Variants in PTPRN2 observed in about 807,000 individuals in gnomAD.
The protein encoded by PTPRN2 is receptor-type tyrosine-protein phosphatase N2.
PTPRN2 carries 74 observed loss-of-function variants against 118.8 expected under a neutral mutation model. The observed-to-expected ratio is 0.62, with a 90% CI of 0.52 to 0.76. The LOEUF (loss-of-function observed/expected upper bound fraction) is 0.76. PTPRN2 is among the 30% of genes least tolerant of loss of function. PTPRN2 has a pLI of 0.00. For synonymous variants in PTPRN2, 641 were observed against 608.0 expected, an observed-to-expected ratio of 1.05 and a Z score of -0.80; for missense variants, 1,481 against 1,394.4, an observed-to-expected ratio of 1.06 and a Z score of -0.99.
chr7:158,314,125 G>A (rs1468208823), intron 3 of PTPRN2, among the ~76,000 whole-genome samples: 1 of 152,164 alleles, frequency 6.6e-6, no homozygotes, highest in Non-Finnish European at 1.5e-5. Flanking sequence ...ATGATGTTCA[G>A]TGCCAGTTGC....
Position 157,999,170 on chromosome 7 carries a change from C to T in PTPRN2, c.1723+82128G>A, listed in dbSNP as rs574637236. Among the ~76,000 whole-genome samples, 460 of 152,192 alleles carry T rather than the reference C, an allele frequency of 3.0e-3. 6 individuals are homozygous for T. The highest frequency in any genetic ancestry group is 1.7e-3 in the Non-Finnish European group (118 of 68,008). On this transcript the variant is annotated intron_variant, in intron 11 of 22. Coordinates refer to ENST00000389418, the MANE Select transcript of PTPRN2 (RefSeq NM_002847.5). ...CAGCCCCTCACACCCCTGCACTGACCGGCTTTTATTTCCAGCCTAAAAGAA... is the reference window on the plus strand; with the variant it reads ...CAGCCCCTCACACCCCTGCACTGACTGGCTTTTATTTCCAGCCTAAAAGAA...
intron 11 of PTPRN2, among the ~76,000 whole-genome samples, chr7:158,011,402 A>G (rs1460539242): frequency 6.6e-6 from 1 of 152,242 alleles, no homozygotes; most frequent in Non-Finnish European, 1.5e-5. Context: ...TCAAAGATGC[A>G]CAAAAGATGC....
At chr7:157,588,852 T>G (rs1281514318) in intron 17 of PTPRN2, among the ~76,000 whole-genome samples, 1 of 151,938 alleles carries the variant, frequency 6.6e-6, no homozygotes, top group African/African-American at 2.4e-5. Flanking sequence ...GGGCTTTGCC[T>G]CCCACCAGCT....
At chr7:157,563,589 A>G (rs1391416120) in intron 21 of PTPRN2, among the ~76,000 whole-genome samples, 1 of 134,384 alleles carries the variant, frequency 7.4e-6, no homozygotes, top group Non-Finnish European at 1.6e-5. Flanking sequence ...GTGCTCCCGC[A>G]TCACCACACC....
intron 6 of PTPRN2, among the ~76,000 whole-genome samples, chr7:158,150,262 T>G (rs1488703641): frequency 6.6e-6 from 1 of 152,256 alleles, no homozygotes; most frequent in Non-Finnish European, 1.5e-5. Flanking sequence ...GAGAGATTTT[T>G]AAACAAGTTG....
intron 11 of PTPRN2, among the ~76,000 whole-genome samples, chr7:157,945,199 C>T (rs1740132274): frequency 6.6e-6 from 1 of 152,128 alleles, no homozygotes; most frequent in South Asian, 2.1e-4. Flanking sequence ...TCCTCCCTCC[C>T]CAGGCACCTC....
At chr7:158,145,509 G>C (rs1260726848) in intron 6 of PTPRN2, among the ~76,000 whole-genome samples, 1 of 152,234 alleles carries the variant, frequency 6.6e-6, no homozygotes, top group Non-Finnish European at 1.5e-5. Context: ...ATCCACCCTT[G>C]AGAAACTGAG....
chr7:158,197,840 A>G (rs1826331003), intron 4 of PTPRN2, among the ~76,000 whole-genome samples: 1 of 152,192 alleles, frequency 6.6e-6, no homozygotes, highest in Non-Finnish European at 1.5e-5. Context: ...CCATGATTCA[A>G]TTACCTCCCA....
intron 1 of PTPRN2, among the ~76,000 whole-genome samples, chr7:158,513,701 A>G (rs1241665685): frequency 1.3e-5 from 2 of 152,238 alleles, no homozygotes; most frequent in Non-Finnish European, 2.9e-5. Flanking sequence ...TAACACAGAA[A>G]TAGGTTTATG....
intron 2 of PTPRN2, among the ~76,000 whole-genome samples, chr7:158,393,500 CAG>C (rs1812101299): frequency 1.3e-5 from 2 of 152,154 alleles, no homozygotes; most frequent in Admixed American, 6.5e-5. Context: ...CTGAGCCTGA[CAG>C]GGGATGGAGG....
intron 2 of PTPRN2, among the ~76,000 whole-genome samples, chr7:158,329,424 C>T (rs10155946): frequency 0.55 from 83,183 of 152,154 alleles, 22,972 homozygotes; most frequent in South Asian, 0.58. Flanking sequence ...AAACCAGCCC[C>T]GGGTGCTGCT....
In PTPRN2 at chr7:158,210,131, CTTTT is replaced by C. The variant is rs869191127; in HGVS notation, c.278-4862_278-4859del. On this transcript the variant is annotated intron_variant, in intron 3 of 22. Transcript: ENST00000389418. Reference sequence around the variant, plus strand: ...ACCCTCAAACAATCTAATGATGCATCTTTTTTTTTTTTTTTTTTTTTTGAGACGG... The same window carrying C: ...ACCCTCAAACAATCTAATGATGCATCTTTTTTTTTTTTTTTTTTGAGACGG... Among the ~76,000 whole-genome samples, 561 of 108,666 alleles carry C rather than the reference CTTTT, an allele frequency of 5.2e-3. 5 individuals are homozygous for C. The highest frequency in any genetic ancestry group is 0.02 in the African/African-American group (539 of 26,384). 71.3% of individuals were successfully genotyped at this position (108,666 alleles called of 152,430 possible).
intron 11 of PTPRN2, among the ~76,000 whole-genome samples, chr7:157,994,546 TA>T (rs1250810131): frequency 1.1e-4 from 8 of 70,992 alleles, no homozygotes; most frequent in Admixed American, 9.3e-4. Flanking sequence ...TCCTTGTTCC[TA>T]AAATCAGCAC....
intron 14 of PTPRN2, among the ~76,000 whole-genome samples, chr7:157,644,901 C>A (rs990175647): frequency 1.3e-5 from 2 of 152,344 alleles, no homozygotes; most frequent in East Asian, 3.9e-4. Flanking sequence ...CCGTGGGAAC[C>A]ACACGGGCCC....
At chr7:158,268,316 C>G (rs1307228610) in intron 3 of PTPRN2, among the ~76,000 whole-genome samples, 3 of 150,296 alleles carry the variant, frequency 2.0e-5, no homozygotes, top group African/African-American at 7.4e-5. Flanking sequence ...GTGAAATATC[C>G]CAGCCGCACG....
chr7:158,332,821 T>A (rs1210840172), intron 2 of PTPRN2, among the ~76,000 whole-genome samples: 14 of 128,834 alleles, frequency 1.1e-4, no homozygotes, highest in African/African-American at 3.4e-4. Flanking sequence ...ACGTACACAC[T>A]TCTCACCATA....
At chr7:158,132,564 A>G (rs1818441395) in intron 9 of PTPRN2, among the ~76,000 whole-genome samples, 2 of 147,008 alleles carry the variant, frequency 1.4e-5, no homozygotes, top group Admixed American at 1.4e-4. Flanking sequence ...ACAGACATCT[A>G]TCCAACACTC....
rs1806371558 is a variant in PTPRN2, at chr7:158,015,402, A to T, written c.1723+65896T>A. Reference sequence around the variant, plus strand: ...CTGAGGTCTTTTTAGTTAATGTGTGACAAATAGAGAAGAGATGGGGAGAGA... The same window carrying T: ...CTGAGGTCTTTTTAGTTAATGTGTGTCAAATAGAGAAGAGATGGGGAGAGA... On this transcript the variant is annotated intron_variant, in intron 11 of 22. Transcript: ENST00000389418. This position sits in a 1 kb window ranked among gnomAD's most constrained non-coding sequence, Gnocchi z 4.2. 6.6e-6 allele frequency among the ~76,000 whole-genome samples: 1 copy of T among 152,020 alleles called. No homozygotes were observed. Among genetic ancestry groups the T allele is most frequent in the African/African-American group, 2.4e-5 (1 of 41,368 alleles).
intron 9 of PTPRN2, among the ~76,000 whole-genome samples, chr7:158,115,189 C>A (rs577091044): frequency 2.0e-5 from 3 of 152,066 alleles, no homozygotes; most frequent in Non-Finnish European, 4.4e-5. Context: ...AAAATAACAA[C>A]AACAACAACA....
Sources: allele counts gnomAD v4.1 joint callset (sites outside exome capture counted in the v4.1 genomes callset), GRCh38; gene constraint gnomAD v4.1.1; non-coding constraint Gnocchi (gnomAD v3.1); transcripts MANE v1.5; gene names NCBI Gene and HGNC (gene_info 2026-07-23, HGNC 2026-07-21).